The following ZNF804B variants were observed in gnomAD, a reference collection of about 807,000 sequenced individuals.
ZNF804B encodes zinc finger protein 804B.
ZNF804B carries 80 observed loss-of-function variants against 101.4 expected under a neutral mutation model. The ratio of observed to expected loss-of-function variants is 0.79; its 90% CI spans 0.66 to 0.95. The LOEUF (loss-of-function observed/expected upper bound fraction) is 0.95. Ranked by LOEUF, ZNF804B falls within the 40% of genes least tolerant of loss-of-function variation. The pLI is 0.00. For synonymous variants in ZNF804B, 622 were observed against 558.8 expected (o/e 1.11, Z -1.59); for missense variants, 1,673 against 1,561.9 (o/e 1.07, Z -1.20).
intron 1 of ZNF804B, among the ~76,000 whole-genome samples, chr7:89,020,516 A>G (rs1020283163): frequency 2.0e-5 from 3 of 152,142 alleles, no homozygotes; most frequent in Non-Finnish European, 2.9e-5. Context: ...ACTTCTGTCA[A>G]TTAGACTATA....
chr7:89,255,608 T>C (rs1789617620), intron 2 of ZNF804B, among the ~76,000 whole-genome samples: 1 of 152,142 alleles, frequency 6.6e-6, no homozygotes, highest in Non-Finnish European at 1.5e-5. Flanking sequence ...TGTACACAAA[T>C]AAATATCATG....
At chr7:89,258,494 A>C (rs1789667763) in intron 2 of ZNF804B, among the ~76,000 whole-genome samples, 1 of 152,178 alleles carries the variant, frequency 6.6e-6, no homozygotes, top group Admixed American at 6.5e-5. Flanking sequence ...TAGTTGAATA[A>C]ATGGTTATTC....
intron 1 of ZNF804B, among the ~76,000 whole-genome samples, chr7:88,987,558 C>G (rs918967995): frequency 6.6e-6 from 1 of 151,924 alleles, no homozygotes; most frequent in Non-Finnish European, 1.5e-5. Flanking sequence ...ATAGGCAGGG[C>G]AAGATAAAAA....
intron 1 of ZNF804B, among the ~76,000 whole-genome samples, chr7:88,858,579 G>A (rs758412484): frequency 2.0e-5 from 3 of 152,108 alleles, no homozygotes; most frequent in African/African-American, 7.2e-5. Context: ...CAGATGATGT[G>A]CTGCTGTAGG....
intron 2 of ZNF804B, among the ~76,000 whole-genome samples, chr7:89,312,370 C>G (rs1030127054): frequency 6.6e-6 from 1 of 152,176 alleles, no homozygotes; most frequent in African/African-American, 2.4e-5. Context: ...TTAAACATAG[C>G]ATCCAGCAAT....
intron 1 of ZNF804B, among the ~76,000 whole-genome samples, chr7:89,205,544 C>A (rs1788702986): frequency 1.3e-5 from 2 of 152,140 alleles, no homozygotes; most frequent in African/African-American, 4.8e-5. Flanking sequence ...AGGCCCCATG[C>A]AAGTCCAAAA....
At chr7:89,171,279 GCTGCTGCTGCTTCTTCTTCTTCTTCTT>G (rs1562904335) in intron 1 of ZNF804B, among the ~76,000 whole-genome samples, 22 of 70,618 alleles carry the variant, frequency 3.1e-4, no homozygotes, top group African/African-American at 9.6e-4. Flanking sequence ...CACAAATAAT[GCTGCTGCTGCTTCTTCTTCTTCTTCTT>G]CTTCTTCTTC....
chr7:89,238,901 T>C (rs1486077388), intron 2 of ZNF804B, among the ~76,000 whole-genome samples: 1 of 152,222 alleles, frequency 6.6e-6, no homozygotes, highest in South Asian at 2.1e-4. Context: ...TGCAGGAGGA[T>C]CCTCAATTAT....
chr7:88,917,424 A>C (rs1792652474), intron 1 of ZNF804B, among the ~76,000 whole-genome samples: 1 of 152,206 alleles, frequency 6.6e-6, no homozygotes, highest in African/African-American at 2.4e-5. Context: ...TGGTGATTCT[A>C]CAGAAAATAC....
rs990283613 is a variant in ZNF804B, at chr7:89,334,786, C to T, written c.1804C>T (p.Leu602Phe). 1.4e-5 allele frequency: 23 copies of T among 1,613,680 alleles called. No homozygotes were observed. The highest frequency in any genetic ancestry group is 1.7e-5 in the Non-Finnish European group (20 of 1,179,874). The change falls in exon 4 of 4, where the codon CTT becomes TTT. Residue 602 changes from leucine to phenylalanine, a missense_variant. Physicochemically the swap from Leu to Phe is conservative, Grantham distance 22 (BLOSUM62 0). Transcript: ENST00000333190. ...AAAGAATAATAGTAGTGAGAACAAA[C>T]TTAAGGAAGCTTCAAGGGCCCATTG... ...AGKNNSSENK[L>F]KEASRAHWQG... is the part of the protein sequence containing the mutation.
chr7:88,972,311 G>A (rs1291024540), intron 1 of ZNF804B, among the ~76,000 whole-genome samples: 2 of 151,168 alleles, frequency 1.3e-5, no homozygotes, highest in African/African-American at 4.8e-5. Context: ...AGTTTTTATT[G>A]TTCTAACCTG....
At chr7:89,156,064 CTT>C (rs1562899755) in intron 1 of ZNF804B, among the ~76,000 whole-genome samples, 40 of 73,068 alleles carry the variant, frequency 5.5e-4, no homozygotes, top group African/African-American at 1.4e-3. Flanking sequence ...TTCTTTCTTT[CTT>C]TCTTTCTCTC....
chr7:88,841,493 A>G (rs1791291160), intron 1 of ZNF804B, among the ~76,000 whole-genome samples: 1 of 152,170 alleles, frequency 6.6e-6, no homozygotes, highest in African/African-American at 2.4e-5. Context: ...TGGGAAGGTA[A>G]TATGTCTTGA....
intron 2 of ZNF804B, among the ~76,000 whole-genome samples, chr7:89,239,029 C>A (rs1789323994): frequency 6.6e-6 from 1 of 152,164 alleles, no homozygotes; most frequent in Non-Finnish European, 1.5e-5. Flanking sequence ...TAAATCTAAT[C>A]ACTTCTCTAC....
At chr7:89,166,997 T>C (rs974489787) in intron 1 of ZNF804B, among the ~76,000 whole-genome samples, 1 of 152,196 alleles carries the variant, frequency 6.6e-6, no homozygotes, top group Admixed American at 6.6e-5. Context: ...TCATAAATTT[T>C]AACTTTTTAT....
chr7:89,190,528 C>T (rs1788440975), intron 1 of ZNF804B, among the ~76,000 whole-genome samples: 1 of 152,006 alleles, frequency 6.6e-6, no homozygotes, highest in Non-Finnish European at 1.5e-5. Flanking sequence ...GTTCAAATGA[C>T]AACAAATAAT....
intron 1 of ZNF804B, among the ~76,000 whole-genome samples, chr7:89,126,600 AT>A (rs889350503): frequency 1.3e-5 from 2 of 151,950 alleles, no homozygotes; most frequent in African/African-American, 4.8e-5. Flanking sequence ...ACCTCTCATT[AT>A]TAGAAATTTT....
At chr7:89,212,975 A>AT (rs1294399134) in intron 1 of ZNF804B, among the ~76,000 whole-genome samples, 1 of 151,946 alleles carries the variant, frequency 6.6e-6, no homozygotes, top group African/African-American at 2.4e-5. Context: ...AAATTATCCA[A>AT]TTTTTTCTTC....
chr7:89,072,419 A>G (rs1789556059), intron 1 of ZNF804B, among the ~76,000 whole-genome samples: 1 of 152,142 alleles, frequency 6.6e-6, no homozygotes, highest in Non-Finnish European at 1.5e-5. Flanking sequence ...CTTTTAAATT[A>G]AAGAATGAGC....
Sources: gnomAD v4.1 joint callset for allele counts (sites outside exome capture counted in the v4.1 genomes callset) on GRCh38, gnomAD v4.1.1 for gene constraint, MANE v1.5 for transcripts, NCBI Gene and HGNC (gene_info 2026-07-23, HGNC 2026-07-21) for gene names.